SAMD4A: variants seen among roughly 807,000 people sequenced by gnomAD.
The protein encoded by SAMD4A is protein Smaug homolog 1.
A neutral mutation model predicts 81.3 loss-of-function variants in SAMD4A; 33 were observed. The observed-to-expected ratio is 0.41, with a 90% CI of 0.31 to 0.54. SAMD4A has a LOEUF of 0.54. Ranked by LOEUF, SAMD4A falls within the 20% of genes least tolerant of loss-of-function variation. The probability of loss-of-function intolerance (pLI) is 0.37; values close to 1 mark genes in which losing one functional copy is unlikely to be tolerated. For synonymous variants in SAMD4A, 389 were observed against 382.1 expected, an observed-to-expected ratio of 1.02 and a Z score of -0.21; for missense variants, 854 against 951.1, an observed-to-expected ratio of 0.90 and a Z score of 1.34.
intron 2 of SAMD4A, among the ~76,000 whole-genome samples, chr14:54,657,809 C>T (rs916665968): frequency 2.0e-5 from 3 of 152,140 alleles, no homozygotes; most frequent in African/African-American, 7.2e-5. Flanking sequence ...TGAGACTGTC[C>T]TATTTGGGGT....
chr14:54,696,188 G>A (rs1239540437), intron 2 of SAMD4A, among the ~76,000 whole-genome samples: 3 of 152,138 alleles, frequency 2.0e-5, no homozygotes, highest in African/African-American at 7.2e-5. Context: ...CTCAAGTGCA[G>A]GTGCCAACAC....
intron 5 of SAMD4A, among the ~76,000 whole-genome samples, chr14:54,749,606 T>C (rs1309257559): frequency 6.6e-6 from 1 of 152,192 alleles, no homozygotes; most frequent in Non-Finnish European, 1.5e-5. Context: ...AGGTTCCCCT[T>C]CCTTCTAAGG....
chr14:54,598,367 T>A (rs1267020010), intron 2 of SAMD4A, among the ~76,000 whole-genome samples: 1 of 152,230 alleles, frequency 6.6e-6, no homozygotes, highest in Non-Finnish European at 1.5e-5. Flanking sequence ...GAGGTAATAC[T>A]GTATGCATCC....
chr14:54,619,000 A>T (rs1379556216), intron 2 of SAMD4A, among the ~76,000 whole-genome samples: 1 of 152,216 alleles, frequency 6.6e-6, no homozygotes, highest in Non-Finnish European at 1.5e-5. Context: ...AGAAAAAAAG[A>T]GCCCCTTTAT....
At chr14:54,698,968 A>G (rs2036642973) in intron 2 of SAMD4A, among the ~76,000 whole-genome samples, 1 of 151,744 alleles carries the variant, frequency 6.6e-6, no homozygotes, top group African/African-American at 2.4e-5. Context: ...GGAAGGGTAG[A>G]ATGTCCAATC....
chr14:54,648,554 G>C (rs2035333967), intron 2 of SAMD4A, among the ~76,000 whole-genome samples: 1 of 152,238 alleles, frequency 6.6e-6, no homozygotes, highest in South Asian at 2.1e-4. Flanking sequence ...AATGTTTGCA[G>C]AGTGGTAGTA....
chr14:54,668,039 C>T lies in SAMD4A; in HGVS notation c.197-34023C>T, dbSNP rs142351921. Reference sequence around the variant, plus strand: ...CTGCCACCAGATGCATCTCCACACACTGCCGTTCTGATCGGATTTCCGCCT... The same window carrying T: ...CTGCCACCAGATGCATCTCCACACATTGCCGTTCTGATCGGATTTCCGCCT... On this transcript the variant is annotated intron_variant, in intron 2 of 12. Coordinates refer to ENST00000554335, the MANE Select transcript of SAMD4A (RefSeq NM_015589.6). 1.2e-3 allele frequency among the ~76,000 whole-genome samples: 179 copies of T among 152,346 alleles called. 2 individuals are homozygous for T. In the South Asian group the frequency reaches 0.019, roughly 16 times the overall value.
chr14:54,766,793 T>A (rs1055962683), intron 8 of SAMD4A, among the ~76,000 whole-genome samples: 1 of 152,130 alleles, frequency 6.6e-6, no homozygotes, highest in Non-Finnish European at 1.5e-5. Context: ...GCTGAGCCCA[T>A]GAGACAGAAA....
At chr14:54,743,945 C>T (rs4901538) in intron 4 of SAMD4A, among the ~76,000 whole-genome samples, 99,825 of 152,136 alleles carry the variant, frequency 0.66, 32,999 homozygotes, top group African/African-American at 0.71. Flanking sequence ...AAAGGAACAT[C>T]TTCCATCCCA....
intron 12 of SAMD4A, among the ~76,000 whole-genome samples, chr14:54,787,118 G>C (rs920612745): frequency 2.6e-5 from 4 of 152,128 alleles, no homozygotes; most frequent in African/African-American, 9.7e-5. Flanking sequence ...TATGGGAAGA[G>C]GAACGGGCAG....
At chr14:54,674,829 C>A (rs1446656016) in intron 2 of SAMD4A, among the ~76,000 whole-genome samples, 1 of 152,170 alleles carries the variant, frequency 6.6e-6, no homozygotes, top group African/African-American at 2.4e-5. Flanking sequence ...CTCACAGCAG[C>A]CTCAACCTCC....
intron 2 of SAMD4A, among the ~76,000 whole-genome samples, chr14:54,641,694 A>G (rs545512876): frequency 6.6e-6 from 1 of 152,360 alleles, no homozygotes; most frequent in East Asian, 1.9e-4. Context: ...TTCTGACTCC[A>G]AGTCCAGTAT....
chr14:54,680,423 G>A (rs1009050431), intron 2 of SAMD4A, among the ~76,000 whole-genome samples: 5 of 152,172 alleles, frequency 3.3e-5, no homozygotes, highest in Non-Finnish European at 7.3e-5. Context: ...GTATGTTTCT[G>A]GACTGTGAGT....
intron 7 of SAMD4A, among the ~76,000 whole-genome samples, chr14:54,761,732 C>T (rs548115277): frequency 1.6e-4 from 25 of 152,364 alleles, no homozygotes; most frequent in African/African-American, 5.8e-4. Context: ...TTCCTCACCC[C>T]ATTCCCTTCA....
intron 2 of SAMD4A, among the ~76,000 whole-genome samples, chr14:54,595,390 CAT>C (rs938591150): frequency 2.0e-5 from 3 of 148,394 alleles, no homozygotes; most frequent in African/African-American, 2.5e-5. Context: ...GGGCTGGTGC[CAT>C]ATATATATAT....
At chr14:54,741,121 C>A (rs1046383457) in intron 4 of SAMD4A, among the ~76,000 whole-genome samples, 1 of 152,210 alleles carries the variant, frequency 6.6e-6, no homozygotes, top group Non-Finnish European at 1.5e-5. Context: ...TTCACTGTGA[C>A]TTATCTCAGA....
intron 2 of SAMD4A, among the ~76,000 whole-genome samples, chr14:54,656,225 T>A (rs1476997323): frequency 6.6e-6 from 1 of 152,212 alleles, no homozygotes; most frequent in African/African-American, 2.4e-5. Context: ...TATTCTTCAT[T>A]GTTTCAGTGG....
intron 2 of SAMD4A, among the ~76,000 whole-genome samples, chr14:54,573,206 T>C (rs1183051198): frequency 6.6e-6 from 1 of 152,186 alleles, no homozygotes; most frequent in African/African-American, 2.4e-5. Context: ...TCACATATAT[T>C]TGTACTCTTT....
chr14:54,734,530 C>T lies in SAMD4A; in HGVS notation c.716-2494C>T, dbSNP rs116616323. On this transcript the variant is annotated intron_variant, in intron 3 of 12. Coordinates refer to ENST00000554335, the MANE Select transcript of SAMD4A (RefSeq NM_015589.6). Reference sequence around the variant, plus strand: ...GTTCATGTCATATCCCTTATGACTTCAGTTAAGCTCAGAAAAGTATGAAGA... The same window carrying T: ...GTTCATGTCATATCCCTTATGACTTTAGTTAAGCTCAGAAAAGTATGAAGA... 1.7e-3 allele frequency among the ~76,000 whole-genome samples: 255 copies of T among 152,294 alleles called. 1 individual carries two copies. The highest frequency in any genetic ancestry group is 5.9e-3 in the African/African-American group (244 of 41,558).
Sources: allele counts gnomAD v4.1 joint callset (sites outside exome capture counted in the v4.1 genomes callset), GRCh38; gene constraint gnomAD v4.1.1; transcripts MANE v1.5; gene names NCBI Gene and HGNC (gene_info 2026-07-23, HGNC 2026-07-21).